SDK1: variants seen among roughly 807,000 people sequenced by gnomAD.
SDK1 encodes the protein protein sidekick-1.
A neutral mutation model predicts 245.5 loss-of-function variants in SDK1; 157 were observed. The ratio of observed to expected loss-of-function variants is 0.64; its 90% CI spans 0.56 to 0.73. The LOEUF (loss-of-function observed/expected upper bound fraction) is 0.73. Among genes scored for constraint, SDK1 ranks in the 30% least tolerant of loss-of-function variants. SDK1 has a pLI of 0.00. For missense variants in SDK1, 3,583 were observed against 3,002.3 expected (o/e 1.19, Z -4.52); for synonymous variants, 1,647 against 1,278.5 (o/e 1.29, Z -6.15).
At chr7:4,001,540 G>A (rs1362157193) in intron 14 of SDK1, among the ~76,000 whole-genome samples, 1 of 152,204 alleles carries the variant, frequency 6.6e-6, no homozygotes, top group Non-Finnish European at 1.5e-5. Context: ...CATTTGGGCT[G>A]CATCCATTAG....
chr7:3,390,359 C>T (rs190358365), intron 1 of SDK1, among the ~76,000 whole-genome samples: 29 of 152,192 alleles, frequency 1.9e-4, no homozygotes, highest in Non-Finnish European at 3.7e-4. Flanking sequence ...AAATGTTTAC[C>T]ACTGACAGTG....
rs529311113 is a variant in SDK1, at chr7:4,242,725, G to A, written c.6251+812G>A. On this transcript the variant is annotated intron_variant, in intron 43 of 44. Coordinates refer to ENST00000404826, the MANE Select transcript of SDK1 (RefSeq NM_152744.4). ...ACCTTGGATTAGACTCAGCTGCAAG[G>A]GTGTGGAAATCACACATCATCCAGA... 6.6e-5 allele frequency among the ~76,000 whole-genome samples: 10 copies of A among 152,304 alleles called. No homozygotes were observed. In the South Asian group the frequency reaches 1.9e-3, roughly 28 times the overall value.
At chr7:3,428,256 TTTATG>T (rs1779731943) in intron 1 of SDK1, among the ~76,000 whole-genome samples, 1 of 152,196 alleles carries the variant, frequency 6.6e-6, no homozygotes, top group Non-Finnish European at 1.5e-5. Flanking sequence ...TGAAGTTTCT[TTTATG>T]TAATTATTAT....
chr7:3,691,420 T>C (rs997424637), intron 4 of SDK1, among the ~76,000 whole-genome samples: 3 of 152,180 alleles, frequency 2.0e-5, no homozygotes, highest in East Asian at 3.9e-4. Flanking sequence ...AAGAGTTGCA[T>C]TGAAGAAACA....
At chr7:3,308,979 T>G (rs1232469249) in intron 1 of SDK1, among the ~76,000 whole-genome samples, 1 of 152,112 alleles carries the variant, frequency 6.6e-6, no homozygotes, top group Non-Finnish European at 1.5e-5. Flanking sequence ...TTATTAAGAA[T>G]AGTTGGTAGC....
chr7:3,723,684 GTGTATATACACGTACATATACATATACAC>G (rs1778896516), intron 4 of SDK1, among the ~76,000 whole-genome samples: 4 of 150,978 alleles, frequency 2.6e-5, no homozygotes, highest in African/African-American at 9.7e-5. Flanking sequence ...GTGTGTATAC[GTGTATATACACGTACATATACATATACAC>G]GTGTATATAC....
chr7:3,629,136 CAA>C (rs756692812), intron 2 of SDK1, among the ~76,000 whole-genome samples: 7 of 125,840 alleles, frequency 5.6e-5, no homozygotes, highest in Non-Finnish European at 5.1e-5. Context: ...ACTAAAAATG[CAA>C]AAAAAAAAAA....
At chr7:3,712,310 G>A (rs1017602799) in intron 4 of SDK1, among the ~76,000 whole-genome samples, 15 of 152,254 alleles carry the variant, frequency 9.9e-5, no homozygotes, top group African/African-American at 3.1e-4. Flanking sequence ...TAGGTTGCAC[G>A]CTACTTATGA....
intron 4 of SDK1, among the ~76,000 whole-genome samples, chr7:3,678,575 A>T (rs543298307): frequency 4.4e-4 from 67 of 152,362 alleles, no homozygotes; most frequent in African/African-American, 1.6e-3. Flanking sequence ...TCTCTAGAAT[A>T]CGCAAATTCA....
chr7:3,734,283 A>G (rs893937093), intron 4 of SDK1, among the ~76,000 whole-genome samples: 1 of 152,246 alleles, frequency 6.6e-6, no homozygotes, highest in Non-Finnish European at 1.5e-5. Flanking sequence ...TCTGGAAGAA[A>G]TGGAAGGATG....
intron 5 of SDK1, among the ~76,000 whole-genome samples, chr7:3,859,616 A>C (rs77261430): frequency 0.053 from 8,082 of 152,246 alleles, 694 homozygotes; most frequent in African/African-American, 0.18. Flanking sequence ...CATTATCAAC[A>C]GACAAAGAAA....
chr7:4,188,187 C>T (rs559230039), intron 35 of SDK1, among the ~76,000 whole-genome samples: 1 of 152,372 alleles, frequency 6.6e-6, no homozygotes, highest in African/African-American at 2.4e-5. Flanking sequence ...ATATCACTAG[C>T]TGTATATCTG....
intron 4 of SDK1, among the ~76,000 whole-genome samples, chr7:3,744,907 A>G (rs1288434721): frequency 6.6e-6 from 1 of 152,154 alleles, no homozygotes; most frequent in East Asian, 1.9e-4. Context: ...AAAATAAAGA[A>G]CTGCTTTTTT....
intron 4 of SDK1, among the ~76,000 whole-genome samples, chr7:3,748,423 G>A (rs1371586222): frequency 6.6e-5 from 10 of 152,106 alleles, no homozygotes; most frequent in Admixed American, 2.6e-4. Context: ...ATATTATAAC[G>A]GGCTTATGGA....
At position 3,466,979 on chromosome 7, in the gene SDK1, TACACACACACACAC is replaced by T. The variant is rs11269597; in HGVS notation, c.299-152063_299-152050del. 1.2e-3 allele frequency among the ~76,000 whole-genome samples: 148 copies of T among 127,592 alleles called. 1 individual carries two copies. Among genetic ancestry groups the T allele is most frequent in the South Asian group, 4.7e-3 (16 of 3,436 alleles). 83.7% of individuals were successfully genotyped at this position (127,592 alleles called of 152,430 possible). Reference sequence around the variant, plus strand: ...TCGAAATCTCTCTCCTCTCTCTCTCTACACACACACACACACACACACACACACACACACACACA... The same window carrying T: ...TCGAAATCTCTCTCCTCTCTCTCTCTACACACACACACACACACACACACA... On this transcript the variant is annotated intron_variant, in intron 1 of 44. Transcript: ENST00000404826.
intron 1 of SDK1, among the ~76,000 whole-genome samples, chr7:3,595,721 C>T (rs967059550): frequency 3.4e-5 from 5 of 146,124 alleles, no homozygotes; most frequent in South Asian, 2.2e-4. Flanking sequence ...AGACTTTGAA[C>T]GAGTCTAATT....
At chr7:3,433,029 T>C (rs1020889654) in intron 1 of SDK1, among the ~76,000 whole-genome samples, 2 of 152,224 alleles carry the variant, frequency 1.3e-5, no homozygotes, top group Non-Finnish European at 2.9e-5. Flanking sequence ...TACGCAGTTT[T>C]TCATTCATTT....
At chr7:4,088,915 G>C (rs540636973) in intron 22 of SDK1, among the ~76,000 whole-genome samples, 22 of 152,042 alleles carry the variant, frequency 1.4e-4, no homozygotes, top group African/African-American at 4.3e-4. Flanking sequence ...GCACAATGAG[G>C]TCACTCAGGC....
chr7:3,915,689 C>T (rs1211787985), intron 5 of SDK1, among the ~76,000 whole-genome samples: 4 of 152,096 alleles, frequency 2.6e-5, no homozygotes, highest in Non-Finnish European at 4.4e-5. Flanking sequence ...CTAATACATA[C>T]ACTAACCAAG....
Sources: allele counts gnomAD v4.1 joint callset (sites outside exome capture counted in the v4.1 genomes callset), GRCh38; gene constraint gnomAD v4.1.1; transcripts MANE v1.5; gene names NCBI Gene and HGNC (gene_info 2026-07-23, HGNC 2026-07-21).